Variants in CERS6 observed in about 807,000 individuals in gnomAD.
CERS6 encodes ceramide synthase 6, also known as LAG1 homolog, ceramide synthase 6.
In CERS6, 26 loss-of-function variants were observed where a neutral mutation model predicts 56.8. The observed-to-expected ratio is 0.46, with a 90% CI of 0.34 to 0.63. The LOEUF (loss-of-function observed/expected upper bound fraction) is 0.63, where lower values mean the gene tolerates loss of function less well. Among genes scored for constraint, CERS6 ranks in the 30% least tolerant of loss-of-function variants. The pLI is 0.01. For synonymous variants in CERS6, 164 were observed against 173.3 expected, an observed-to-expected ratio of 0.95 and a Z score of 0.42; for missense variants, 415 against 467.5, an observed-to-expected ratio of 0.89 and a Z score of 1.04.
At chr2:168,733,134 C>T (rs2390730) in intron 8 of CERS6, among the ~76,000 whole-genome samples, 124,660 of 152,198 alleles carry the variant, frequency 0.82, 51,577 homozygotes, top group South Asian at 0.92. Flanking sequence ...TAAAATGGAA[C>T]ATGTTTATCA....
chr2:168,627,635 T>G (rs910029335), intron 3 of CERS6, among the ~76,000 whole-genome samples: 24 of 152,054 alleles, frequency 1.6e-4, no homozygotes, highest in Non-Finnish European at 2.9e-4. Flanking sequence ...ACTGAAGTTT[T>G]TTTTTTTTTT....
chr2:168,601,300 G>A (rs776559006), intron 3 of CERS6, among the ~76,000 whole-genome samples: 1 of 152,094 alleles, frequency 6.6e-6, no homozygotes. Context: ...CTGTATAATT[G>A]TGACTCTCAG....
At chr2:168,658,172 G>T (rs1318187079) in intron 4 of CERS6, among the ~76,000 whole-genome samples, 1 of 152,090 alleles carries the variant, frequency 6.6e-6, no homozygotes, top group Non-Finnish European at 1.5e-5. Context: ...CTACCTAAGA[G>T]CTTTATCGTT....
At chr2:168,674,144 C>G (rs1047208710) in intron 4 of CERS6, among the ~76,000 whole-genome samples, 4 of 152,070 alleles carry the variant, frequency 2.6e-5, no homozygotes, top group Non-Finnish European at 5.9e-5. Flanking sequence ...AAAGTCAAGC[C>G]GAGAGTGTCT....
intron 8 of CERS6, among the ~76,000 whole-genome samples, chr2:168,746,821 A>ATATATATATAT (rs1559078615): frequency 2.0e-4 from 13 of 64,928 alleles, no homozygotes; most frequent in Non-Finnish European, 3.9e-4. Context: ...ATATATATAT[A>ATATATATATAT]AAATCATCTT....
At chr2:168,675,527 A>G (rs907663503) in intron 4 of CERS6, among the ~76,000 whole-genome samples, 3 of 152,028 alleles carry the variant, frequency 2.0e-5, no homozygotes, top group Non-Finnish European at 4.4e-5. Context: ...CTGAGGCTGC[A>G]GTGAGCCAAG....
intron 1 of CERS6, among the ~76,000 whole-genome samples, chr2:168,459,824 T>G (rs1693746806): frequency 6.6e-6 from 1 of 152,260 alleles, no homozygotes; most frequent in Admixed American, 6.5e-5. Flanking sequence ...TAATAAATGC[T>G]TCTTCCAACT....
chr2:168,510,063 G>A (rs139653607), intron 1 of CERS6, among the ~76,000 whole-genome samples: 212 of 150,968 alleles, frequency 1.4e-3, no homozygotes, highest in Admixed American at 2.8e-3. Context: ...AGTATATTAG[G>A]TGCAGTACTT....
rs576077555 is a variant in CERS6, at chr2:168,760,818, C to T, written c.846-4774C>T. On this transcript the variant is annotated intron_variant, in intron 8 of 9. Transcript: ENST00000305747. ...TCGCCCAGGCTGGAGTGCAGTGGCGCGATCTCGGCTCACTGCAAGCTCCGC... is the reference window on the plus strand; with the variant it reads ...TCGCCCAGGCTGGAGTGCAGTGGCGTGATCTCGGCTCACTGCAAGCTCCGC... Among the ~76,000 whole-genome samples the T allele has an allele frequency of 2.6e-5, 4 of 151,994 alleles. No homozygotes were observed. The East Asian group carries it at 5.8e-4, about 22-fold the overall frequency.
intron 1 of CERS6, among the ~76,000 whole-genome samples, chr2:168,458,745 A>G (rs1427888867): frequency 6.6e-6 from 1 of 152,222 alleles, no homozygotes; most frequent in Non-Finnish European, 1.5e-5. Flanking sequence ...ACAGAATGCT[A>G]CTGACTTTTG....
chr2:168,695,144 T>C, intron 6 of CERS6, 93 bp downstream of exon 6: 1 of 895,904 alleles, frequency 1.1e-6, no homozygotes. Context: ...CTCACCCCTG[T>C]TCTCCTGGCA....
chr2:168,457,983 G>C (rs1693705465), intron 1 of CERS6, among the ~76,000 whole-genome samples: 1 of 152,148 alleles, frequency 6.6e-6, no homozygotes, highest in South Asian at 2.1e-4. Context: ...ATCTAATACA[G>C]ATGTGTCATT....
intron 8 of CERS6, among the ~76,000 whole-genome samples, chr2:168,734,410 G>T: frequency 6.6e-6 from 1 of 152,208 alleles, no homozygotes; most frequent in East Asian, 1.9e-4. Context: ...CTTGCAGGGA[G>T]ATCTGAGCGG....
chr2:168,581,178 C>G (rs992363637), intron 3 of CERS6, among the ~76,000 whole-genome samples: 2 of 152,134 alleles, frequency 1.3e-5, no homozygotes, highest in African/African-American at 4.8e-5. Flanking sequence ...GCCACTACAC[C>G]TGGCTAACTT....
At chr2:168,746,822 A>ATATGTAT (rs1559078628) in intron 8 of CERS6, among the ~76,000 whole-genome samples, 3 of 34,326 alleles carry the variant, frequency 8.7e-5, no homozygotes, top group Non-Finnish European at 1.2e-4. Flanking sequence ...TATATATATA[A>ATATGTAT]AATCATCTTT....
Position 168,771,661 on chromosome 2 carries a change from T to C in CERS6, c.*1999T>C, listed in dbSNP as rs1307313454. ...GTTTCTTAATTAAAATATGAACATA[T>C]TTAGCTTGCTTTAGTGTCTGGGGCA... On this transcript the variant is annotated 3_prime_UTR_variant, in exon 10 of 10. Transcript: ENST00000305747. The C allele has an allele frequency of 2.6e-5, 4 of 152,200 alleles. No individual in the cohort carries two copies. The highest frequency in any genetic ancestry group is 1.3e-4 in the Admixed American group (2 of 15,268). 9.4% of individuals were successfully genotyped at this position (152,200 alleles called of 1,614,324 possible).
At chr2:168,559,730 G>GTAATATATATATATATATATATATATATA (rs1558997887) in intron 2 of CERS6, among the ~76,000 whole-genome samples, 1 of 7,844 alleles carries the variant, frequency 1.3e-4, no homozygotes, top group African/African-American at 8.5e-4. Context: ...TTTTAGAAAG[G>GTAATATATATATATATATATATATATATA]TATCATATAT....
chr2:168,562,100 A>C (rs1049036057), intron 3 of CERS6, among the ~76,000 whole-genome samples: 1 of 152,044 alleles, frequency 6.6e-6, no homozygotes, highest in Non-Finnish European at 1.5e-5. Context: ...CAGTCCCTCA[A>C]TTTCTTCTTT....
At chr2:168,519,627 C>A (rs1280565548) in intron 1 of CERS6, among the ~76,000 whole-genome samples, 3 of 152,146 alleles carry the variant, frequency 2.0e-5, no homozygotes, top group African/African-American at 7.2e-5. Flanking sequence ...TTTCTGAGAA[C>A]ATGCAGTATT....
Sources: allele counts gnomAD v4.1 joint callset (sites outside exome capture counted in the v4.1 genomes callset), GRCh38; gene constraint gnomAD v4.1.1; transcripts MANE v1.5; gene names NCBI Gene and HGNC (gene_info 2026-07-23, HGNC 2026-07-21).